LRP12: variants seen among roughly 807,000 people sequenced by gnomAD.
LRP12 encodes LDL receptor related protein 12, also known as low-density lipoprotein receptor-related protein 12.
Under a neutral mutation model 66.0 loss-of-function variants are expected in LRP12, and 14 were observed. That is an observed-to-expected ratio of 0.21 (90% confidence interval 0.14 to 0.33). The LOEUF (loss-of-function observed/expected upper bound fraction) is 0.33, where lower values mean the gene tolerates loss of function less well. Ranked by LOEUF, LRP12 falls within the 10% of genes least tolerant of loss-of-function variation. The pLI is 1.00. For missense variants in LRP12, 889 were observed against 1,053.4 expected (o/e 0.84, Z 2.16); for synonymous variants, 357 against 359.1 (o/e 0.99, Z 0.07).
chr8:104,494,926 C>A, intron 6 of LRP12, 151 bp downstream of exon 6: 1 of 614,158 alleles, frequency 1.6e-6, no homozygotes, highest in South Asian at 3.1e-5. Flanking sequence ...TAGTGTTAAA[C>A]TATAATGAAA....
At position 104,559,672 on chromosome 8, in the gene LRP12, G is replaced by C. The variant is rs544593470; in HGVS notation, c.80-27709C>G. On this transcript the variant is annotated intron_variant, in intron 1 of 6. Coordinates refer to ENST00000276654, the MANE Select transcript of LRP12 (RefSeq NM_013437.5). ...AGAGAAAGGACCTCTTAACAATATT[G>C]TACATGCCTATCCAAAAAAAAGGAT... Among the ~76,000 whole-genome samples, 3 of 151,804 alleles carry C rather than the reference G, an allele frequency of 2.0e-5. No individual in the cohort carries two copies. In the South Asian group the frequency reaches 6.3e-4, roughly 32 times the overall value.
chr8:104,537,948 T>C (rs116092145), intron 1 of LRP12, among the ~76,000 whole-genome samples: 3,636 of 152,262 alleles, frequency 0.024, 107 homozygotes, highest in African/African-American at 0.065. Flanking sequence ...GTGTGCTGGC[T>C]TCCTCATCAT....
chr8:104,589,248 C>G lies in LRP12; in HGVS notation c.-351G>C, dbSNP rs942411829. Among the ~76,000 whole-genome samples the G allele has an allele frequency of 2.6e-5, 4 of 151,944 alleles. No individual in the cohort carries two copies. The highest frequency in any genetic ancestry group is 5.9e-5 in the Non-Finnish European group (4 of 67,936). ...CCGCTCGGGCTAGCCGGCGCCGCCA[C>G]TCGCCAGACTGAGCGCGCGCCCATC... On this transcript the variant is annotated 5_prime_UTR_variant, in exon 1 of 7. Coordinates refer to ENST00000276654, the MANE Select transcript of LRP12 (RefSeq NM_013437.5).
intron 3 of LRP12, chr8:104,507,825 T>C (rs1367191920): frequency 6.6e-6 from 1 of 152,056 alleles, no homozygotes; most frequent in Non-Finnish European, 1.5e-5. Flanking sequence ...AAACAAACTA[T>C]GGCCCTTGTT....
At position 104,522,766 on chromosome 8, in the gene LRP12, T is replaced by C. The variant is rs569508761; in HGVS notation, c.136+9141A>G. Among the ~76,000 whole-genome samples, 16 of 152,212 alleles carry C rather than the reference T, an allele frequency of 1.1e-4. No individual in the cohort carries two copies. In the South Asian group the frequency reaches 3.3e-3, roughly 32 times the overall value. On this transcript the variant is annotated intron_variant, in intron 2 of 6. Coordinates refer to ENST00000276654, the MANE Select transcript of LRP12 (RefSeq NM_013437.5). ...AACTTCAGGCTAGTTTTTGCCTAAC[T>C]ATAAAGGAAAGCAAATCTCATTCTC...
intron 1 of LRP12, among the ~76,000 whole-genome samples, chr8:104,574,819 CT>C (rs921072774): frequency 1.3e-5 from 2 of 151,824 alleles, no homozygotes; most frequent in Non-Finnish European, 2.9e-5. Context: ...TCACCTGTTT[CT>C]TTTTTTTAAA....
In LRP12 at chr8:104,498,081, GA is replaced by G; in HGVS notation, c.476-6del. On this transcript the variant is annotated splice_polypyrimidine_tract_variant and splice_region_variant and intron_variant, in intron 4 of 6. Transcript: ENST00000276654. ...AATTTGGTTCCTCAGATTTCCCTGT[GA>G]AGATGTGAGTAGAAATAGATGGAAA... is the stretch of plus-strand genomic sequence containing the variant. 6.3e-7 allele frequency: 1 copy of G among 1,575,024 alleles called. No individual in the cohort carries two copies. Among genetic ancestry groups the G allele is most frequent in the South Asian group, 1.2e-5 (1 of 83,272 alleles).
intron 2 of LRP12, 66 bp from the exon 3 acceptor site, chr8:104,509,140 GTTTA>G: frequency 1.5e-5 from 22 of 1,470,468 alleles, no homozygotes; most frequent in Non-Finnish European, 1.9e-5. Context: ...GTAAATCAGT[GTTTA>G]TTTTTTAAAA....
intron 2 of LRP12, among the ~76,000 whole-genome samples, chr8:104,513,508 C>A (rs1248055512): frequency 1.3e-5 from 2 of 152,218 alleles, no homozygotes; most frequent in East Asian, 3.9e-4. Context: ...AATAGACTTT[C>A]AATTCTGACC....
intron 1 of LRP12, among the ~76,000 whole-genome samples, chr8:104,588,542 G>C (rs1056033510): frequency 5.3e-5 from 8 of 152,098 alleles, no homozygotes; most frequent in Non-Finnish European, 1.2e-4. Flanking sequence ...CCCAGGTCGG[G>C]AAGTCCGCCC....
chr8:104,581,296 G>C (rs759737487), intron 1 of LRP12, among the ~76,000 whole-genome samples: 1 of 152,082 alleles, frequency 6.6e-6, no homozygotes, highest in East Asian at 1.9e-4. Flanking sequence ...AGAAGGTGGC[G>C]GGTGGGACAA....
chr8:104,506,768 T>G (rs533984327), intron 3 of LRP12: 2 of 152,150 alleles, frequency 1.3e-5, no homozygotes, highest in Non-Finnish European at 2.9e-5. Context: ...TTGATTATAG[T>G]GGGTTCCAAG....
At chr8:104,548,201 TGA>T in intron 1 of LRP12, among the ~76,000 whole-genome samples, 1 of 89,048 alleles carries the variant, frequency 1.1e-5, no homozygotes, top group African/African-American at 6.2e-5. Flanking sequence ...TATAAATATA[TGA>T]TATATTTATA....
chr8:104,531,790 T>C, intron 2 of LRP12, 117 bp downstream of exon 2: 1 of 694,356 alleles, frequency 1.4e-6, no homozygotes, highest in East Asian at 2.7e-5. Flanking sequence ...TATTACATGC[T>C]GCAAAAAGCA....
intron 1 of LRP12, among the ~76,000 whole-genome samples, chr8:104,555,656 T>TA (rs896002516): frequency 3.9e-5 from 6 of 152,024 alleles, no homozygotes; most frequent in Non-Finnish European, 8.8e-5. Context: ...CTCTCAAATT[T>TA]ACAAAACAAT....
At chr8:104,563,897 T>A (rs1811954254) in intron 1 of LRP12, among the ~76,000 whole-genome samples, 1 of 152,190 alleles carries the variant, frequency 6.6e-6, no homozygotes, top group Non-Finnish European at 1.5e-5. Context: ...CCAAATGGAC[T>A]AAGACACATA....
chr8:104,587,417 A>C (rs1812350816), intron 1 of LRP12, among the ~76,000 whole-genome samples: 1 of 152,158 alleles, frequency 6.6e-6, no homozygotes, highest in African/African-American at 2.4e-5. Flanking sequence ...GATGCAGCTA[A>C]CAATCAAAAG....
At chr8:104,548,668 A>ATATTAATTATATAATT (rs1811678553) in intron 1 of LRP12, among the ~76,000 whole-genome samples, 1 of 146,516 alleles carries the variant, frequency 6.8e-6, no homozygotes. Flanking sequence ...TTATATAATT[A>ATATTAATTATATAATT]ATATGGGTGC....
chr8:104,576,119 T>C (rs570260544), intron 1 of LRP12, among the ~76,000 whole-genome samples: 5 of 152,252 alleles, frequency 3.3e-5, no homozygotes, highest in Admixed American at 1.3e-4. Flanking sequence ...TAAGGGATTA[T>C]GTAAAGAGAT....
Sources: allele counts gnomAD v4.1 joint callset (sites outside exome capture counted in the v4.1 genomes callset), GRCh38; gene constraint gnomAD v4.1.1; transcripts MANE v1.5; gene names NCBI Gene and HGNC (gene_info 2026-07-23, HGNC 2026-07-21).